Variants in IQCM observed in about 807,000 individuals in gnomAD.
IQCM encodes IQ motif containing M.
Under a neutral mutation model 57.6 loss-of-function variants are expected in IQCM, and 45 were observed. That is an observed-to-expected ratio of 0.78 (90% CI 0.62 to 1.00). The LOEUF is 1.00. Among genes scored for constraint, IQCM ranks in the 50% least tolerant of loss-of-function variants. The pLI is 0.00. For missense variants in IQCM, 468 were observed against 511.6 expected (o/e 0.91, Z 0.82); for synonymous variants, 148 against 158.9 (o/e 0.93, Z 0.51).
At position 149,741,870 on chromosome 4, in the gene IQCM, G is replaced by A. The variant is rs768540260; in HGVS notation, c.37+785C>T. On this transcript the variant is annotated intron_variant, in intron 3 of 13. Transcript: ENST00000636793. ...AAGTAATGGATATTATAATTAGCTC[G>A]ATAGAGGTAATAATTTTACAATGTG... Among the ~76,000 whole-genome samples, 7 of 152,114 alleles carry A rather than the reference G, an allele frequency of 4.6e-5. 1 individual carries two copies. Among genetic ancestry groups the A allele is most frequent in the East Asian group, 1.9e-4 (1 of 5,200 alleles).
intron 12 of IQCM, among the ~76,000 whole-genome samples, chr4:149,454,147 G>GATATATAT (rs34730850): frequency 0.023 from 2,869 of 127,044 alleles, 42 homozygotes; most frequent in East Asian, 0.038. Flanking sequence ...AAGAAAATGT[G>GATATATAT]ATATATATAT....
intron 9 of IQCM, among the ~76,000 whole-genome samples, chr4:149,571,737 G>A (rs554356252): frequency 5.9e-5 from 9 of 152,072 alleles, no homozygotes; most frequent in Non-Finnish European, 1.0e-4. Flanking sequence ...GCATCATGTT[G>A]TACACAATAA....
intron 7 of IQCM, among the ~76,000 whole-genome samples, chr4:149,621,862 AG>A (rs1354824428): frequency 1.3e-5 from 2 of 152,198 alleles, no homozygotes; most frequent in Non-Finnish European, 2.9e-5. Flanking sequence ...TTTTCCTCAG[AG>A]ATATTAATCA....
intron 7 of IQCM, among the ~76,000 whole-genome samples, chr4:149,664,160 C>A (rs921991588): frequency 1.3e-5 from 2 of 152,076 alleles, no homozygotes; most frequent in Non-Finnish European, 2.9e-5. Context: ...TCCATAATAT[C>A]TATCTCTTTA....
chr4:149,471,596 G>A (rs1310704495), intron 12 of IQCM, among the ~76,000 whole-genome samples: 1 of 152,086 alleles, frequency 6.6e-6, no homozygotes, highest in Non-Finnish European at 1.5e-5. Context: ...GAAAAAGAGA[G>A]AATAATCCTC....
chr4:149,435,766 TG>T (rs1283520916), intron 12 of IQCM, among the ~76,000 whole-genome samples: 2 of 151,856 alleles, frequency 1.3e-5, no homozygotes, highest in Non-Finnish European at 2.9e-5. Context: ...TGTGTATGTT[TG>T]TGTGTTTATT....
At chr4:149,554,280 A>G (rs1749322609) in intron 10 of IQCM, among the ~76,000 whole-genome samples, 1 of 152,212 alleles carries the variant, frequency 6.6e-6, no homozygotes, top group East Asian at 1.9e-4. Flanking sequence ...TTTTGAAACT[A>G]GCATAGAGGC....
rs541536859 is a variant in IQCM, at chr4:149,683,952, T to C, written c.477-1746A>G. On this transcript the variant is annotated intron_variant, in intron 6 of 13. Transcript: ENST00000636793. ...TGAATTGTCATGTAACACAGGAAAC[T>C]CACTGATCACAAAACTGGGCAAAGA... is the stretch of plus-strand genomic sequence containing the variant. Among the ~76,000 whole-genome samples, 82 of 151,390 alleles carry C rather than the reference T, an allele frequency of 5.4e-4. 1 individual carries two copies. In the South Asian group the frequency reaches 0.015, roughly 28 times the overall value.
intron 9 of IQCM, among the ~76,000 whole-genome samples, chr4:149,576,167 T>C (rs755948653): frequency 6.6e-6 from 1 of 151,804 alleles, no homozygotes; most frequent in Non-Finnish European, 1.5e-5. Context: ...CTTTTCAGGT[T>C]TAGGGTGTAC....
At chr4:149,356,219 C>A (rs1381452866) in intron 13 of IQCM, among the ~76,000 whole-genome samples, 3 of 152,136 alleles carry the variant, frequency 2.0e-5, no homozygotes, top group African/African-American at 7.2e-5. Context: ...ATGGTGGTTT[C>A]TTTTGCTGTA....
intron 2 of IQCM, among the ~76,000 whole-genome samples, chr4:149,812,507 C>CACACAGAG (rs1256118702): frequency 7.9e-6 from 1 of 126,784 alleles, no homozygotes; most frequent in East Asian, 2.6e-4. Context: ...CACACAGACA[C>CACACAGAG]ACACACACAC....
chr4:149,698,925 A>G (rs1763545447), intron 5 of IQCM, among the ~76,000 whole-genome samples: 1 of 152,084 alleles, frequency 6.6e-6, no homozygotes, highest in African/African-American at 2.4e-5. Flanking sequence ...TGCCATAAGG[A>G]TTGTGTAAAT....
chr4:149,530,409 A>G lies in IQCM; in HGVS notation c.1228+18046T>C, dbSNP rs116232352. Among the ~76,000 whole-genome samples the G allele has an allele frequency of 7.2e-3, 1,095 of 152,278 alleles. 19 individuals carry two copies. Among genetic ancestry groups the G allele is most frequent in the African/African-American group, 0.025 (1,047 of 41,574 alleles). On this transcript the variant is annotated intron_variant, in intron 12 of 13. Transcript: ENST00000636793. Reference sequence around the variant, plus strand: ...ATGCTCAATAAATATTTGTTGAATTAGTGAATGGGAGAGAAAACTCTATGT... The same window carrying G: ...ATGCTCAATAAATATTTGTTGAATTGGTGAATGGGAGAGAAAACTCTATGT...
chr4:149,459,787 T>C (rs943755715), intron 12 of IQCM, among the ~76,000 whole-genome samples: 3 of 152,218 alleles, frequency 2.0e-5, no homozygotes, highest in African/African-American at 7.2e-5. Context: ...TAAGGCTGAA[T>C]TATATCCCAT....
chr4:149,651,308 A>G (rs1441734844), intron 7 of IQCM, among the ~76,000 whole-genome samples: 1 of 152,212 alleles, frequency 6.6e-6, no homozygotes, highest in African/African-American at 2.4e-5. Flanking sequence ...AGGTGGAAAT[A>G]GATGAGGAAT....
At chr4:149,567,052 A>G (rs1750701944) in intron 9 of IQCM, among the ~76,000 whole-genome samples, 1 of 152,166 alleles carries the variant, frequency 6.6e-6, no homozygotes, top group South Asian at 2.1e-4. Context: ...TTTTGATTAC[A>G]GTTTGCTCTT....
chr4:149,586,874 T>C lies in IQCM; in HGVS notation c.749+1056A>G, dbSNP rs972106882. On this transcript the variant is annotated intron_variant, in intron 9 of 13. Coordinates refer to ENST00000636793, the MANE Select transcript of IQCM (RefSeq NM_001363507.2). ...CATTATCTGCTAATTCCAACATCCA[T>C]AGAAAGAGAAAAATCTTTTTTTCTT... 3.3e-5 allele frequency among the ~76,000 whole-genome samples: 5 copies of C among 151,708 alleles called. No individual in the cohort carries two copies. In the South Asian group the frequency reaches 6.2e-4, roughly 19 times the overall value.
In IQCM at chr4:149,682,901, T is replaced by G. The variant is rs576406124; in HGVS notation, c.477-695A>C. 5.4e-4 allele frequency among the ~76,000 whole-genome samples: 82 copies of G among 151,240 alleles called. 1 individual carries two copies. The South Asian group carries it at 0.015, about 28-fold the overall frequency. ...GGGTGGGGTCAGGACTCAAATTCAG[T>G]CAGTGGGACTTCAGGAACCATATTA... On this transcript the variant is annotated intron_variant, in intron 6 of 13. Coordinates refer to ENST00000636793, the MANE Select transcript of IQCM (RefSeq NM_001363507.2).
At chr4:149,358,764 T>A (rs189162165) in intron 13 of IQCM, among the ~76,000 whole-genome samples, 1 of 98,500 alleles carries the variant, frequency 1.0e-5, no homozygotes, top group Non-Finnish European at 2.3e-5. Flanking sequence ...CAAGCCAGTT[T>A]TTTTGGTTGT....
Sources: allele counts gnomAD v4.1 joint callset (sites outside exome capture counted in the v4.1 genomes callset), GRCh38; gene constraint gnomAD v4.1.1; transcripts MANE v1.5; gene names NCBI Gene and HGNC (gene_info 2026-07-23, HGNC 2026-07-21).